FLII: variants seen among roughly 807,000 people sequenced by gnomAD.
FLII encodes the protein protein flightless-1 homolog.
In FLII, 101 loss-of-function variants were observed where a neutral mutation model predicts 156.2. The ratio of observed to expected loss-of-function variants is 0.65; its 90% CI spans 0.55 to 0.76. The LOEUF (loss-of-function observed/expected upper bound fraction) is 0.76. Among genes scored for constraint, FLII ranks in the 30% least tolerant of loss-of-function variants. The probability of loss-of-function intolerance (pLI) is 0.00; values close to 1 mark genes in which losing one functional copy is unlikely to be tolerated. For synonymous variants in FLII, 767 were observed against 685.8 expected (o/e 1.12, Z -1.85); for missense variants, 1,675 against 1,682.8 (o/e 1.00, Z 0.08).
At chr17:18,254,448 C>T (rs1051620325) in intron 6 of FLII, 73 bp downstream of exon 6, 10 of 1,460,834 alleles carry the variant, frequency 6.8e-6, no homozygotes, top group East Asian at 2.4e-5. Context: ...GGTTAGGGCC[C>T]TGGGAAGTGA....
Position 18,246,329 on chromosome 17 carries a change from T to G in FLII, c.3185A>C (p.Asn1062Thr). 6.2e-7 allele frequency: 1 copy of G among 1,613,840 alleles called. No homozygotes were observed. Among genetic ancestry groups the G allele is most frequent in the Non-Finnish European group, 8.5e-7 (1 of 1,179,998 alleles). The change falls in exon 24 of 30, where the codon AAC becomes ACC. Residue 1062 changes from asparagine (N) to threonine (T), a missense_variant. By Grantham distance (65) the Asn-to-Thr change is moderately conservative. Around this residue, in one of 2 missense-constraint regions of FLII, gnomAD observed 1,332 missense variants for 1,269.3 expected, o/e 1.05. Coordinates refer to ENST00000327031, the MANE Select transcript of FLII (RefSeq NM_002018.4). ...GCACCGGGTGCAGAGGGCGCTGCCGTTGGTGCGGATCTGGTAGAGGCTGGG... is the reference window on the plus strand; with the variant it reads ...GCACCGGGTGCAGAGGGCGCTGCCGGTGGTGCGGATCTGGTAGAGGCTGGG... ...QQPSLYQIRTNGSALCTRCIQ... is the reference protein window; with the variant it reads ...QQPSLYQIRTTGSALCTRCIQ...
Position 18,258,569 on chromosome 17 carries a change from C to A in FLII, c.63+59G>T. The A allele has an allele frequency of 6.6e-7, 1 of 1,523,740 alleles. No homozygotes were observed. The highest frequency in any genetic ancestry group is 1.2e-5 in the South Asian group (1 of 82,634). The allele number at this position is 1,523,740 out of a possible 1,614,324, so 94.4% of individuals were successfully genotyped here. A position where few individuals can be genotyped will look rare whatever the true frequency, so the allele number is the denominator to read the frequency against. ...AGCGGGACAGGAAGCGGAGGCCAAG[C>A]GGGCCGGGCGGAAGAGAAGGCCTGC... On this transcript the variant is annotated intron_variant, in intron 1 of 29. Coordinates refer to ENST00000327031, the MANE Select transcript of FLII (RefSeq NM_002018.4). The surrounding 1 kb of genome is among the most constrained non-coding windows in gnomAD (Gnocchi z 4.2).
intron 3 of FLII, 112 bp downstream of exon 3, chr17:18,256,414 C>T: frequency 1.2e-6 from 1 of 817,916 alleles, no homozygotes; most frequent in South Asian, 1.6e-5. Context: ...CTGAGCCTGA[C>T]ACGGAGGTGG....
rs941457556 is a variant in FLII, at chr17:18,248,713, G to A, written c.2027C>T (p.Ala676Val). The change falls in exon 18 of 30, where the codon GCA (alanine) becomes GTA (valine). Residue 676 changes from alanine (A) to valine (V), a missense_variant. Transcript: ENST00000327031. ...CCGCTCATTCTTGTTAATTTTCTCT[G>A]CAAAGAGCCTGAGAGCAGGATGCAA... ...LSSTTKARLF[A>V]EKINKNERKG... 6 of 1,613,532 alleles carry A rather than the reference G, an allele frequency of 3.7e-6. No individual in the cohort carries two copies. The African/African-American group carries it at 8.0e-5, about 22-fold the overall frequency.
chr17:18,253,793 C>T, intron 7 of FLII, 74 bp from the exon 8 acceptor site: 2 of 1,388,770 alleles, frequency 1.4e-6, no homozygotes, highest in Non-Finnish European at 1.9e-6. Context: ...TAGTGTGAAC[C>T]CCAGCTCTGC....
chr17:18,247,649 A>G lies in FLII; in HGVS notation c.2487+8T>C. 6.4e-7 allele frequency: 1 copy of G among 1,574,706 alleles called. No individual in the cohort carries two copies. ...CCTGGGGAGGGGCCTCCGAAGCTGC[A>G]AGCGCACCTGCGCCTCGGTGCCCTC... is the stretch of plus-strand genomic sequence containing the variant. On this transcript the variant is annotated splice_region_variant and intron_variant, in intron 20 of 29. Transcript: ENST00000327031.
In FLII at chr17:18,258,667, C is replaced by T. The variant is rs1184908573; in HGVS notation, c.24G>A (p.Pro8=). The T allele has an allele frequency of 3.2e-6, 5 of 1,542,516 alleles. No individual in the cohort carries two copies. In the African/African-American group the frequency reaches 5.7e-5, roughly 18 times the overall value. Residue 8 remains proline (P), a synonymous_variant, in exon 1 of 30, where the codon CCG becomes CCA. Transcript: ENST00000327031. This position sits in a 1 kb window ranked among gnomAD's most constrained non-coding sequence, Gnocchi z 4.2. ...CGCTGAGGTCCACGCCACGCACGAACGGCAGCACCCCGGTGGCCTCCATGG... is the reference window on the plus strand; with the variant it reads ...CGCTGAGGTCCACGCCACGCACGAATGGCAGCACCCCGGTGGCCTCCATGG... The part of the protein sequence containing the change: MEATGVL[P]FVRGVDLSGN...
chr17:18,246,507 T>A, intron 23 of FLII, 45 bp from the exon 24 acceptor site: 1 of 1,612,622 alleles, frequency 6.2e-7, no homozygotes, highest in Non-Finnish European at 8.5e-7. Context: ...GACCCCCACC[T>A]GCCCCTCGGG....
At chr17:18,250,775 C>A in intron 14 of FLII, 63 bp downstream of exon 14, 2 of 1,546,758 alleles carry the variant, frequency 1.3e-6, no homozygotes, top group African/African-American at 2.7e-5. Context: ...GGGCCCACTG[C>A]CCCTGCACCA....
chr17:18,251,921 T>C (rs1019643525), intron 11 of FLII, 78 bp downstream of exon 11: 6 of 1,603,182 alleles, frequency 3.7e-6, no homozygotes, highest in African/African-American at 1.3e-5. Flanking sequence ...GAAAGCTGTA[T>C]GCCACCCAAT....
intron 23 of FLII, 63 bp from the exon 24 acceptor site, chr17:18,246,525 C>A: frequency 6.2e-7 from 1 of 1,612,102 alleles, no homozygotes; most frequent in African/African-American, 1.3e-5. Flanking sequence ...GGGAGCCTAA[C>A]CTTCGCTGGG....
intron 1 of FLII, among the ~76,000 whole-genome samples, chr17:18,257,900 C>T (rs902864672): frequency 6.6e-6 from 1 of 152,230 alleles, no homozygotes. Flanking sequence ...TCTCTGCTTC[C>T]CCTTTGGTCA....
At position 18,247,737 on chromosome 17, in the gene FLII, G is replaced by C; in HGVS notation, c.2407C>G (p.Leu803Val). The C allele has an allele frequency of 6.2e-7, 1 of 1,605,382 alleles. No homozygotes were observed. Among genetic ancestry groups the C allele is most frequent in the Non-Finnish European group, 8.5e-7 (1 of 1,179,786 alleles). Residue 803 changes from leucine (L) to valine (V), a missense_variant, in exon 20 of 30, where the codon CTG (leucine) becomes GTG (valine). By Grantham distance (32) the Leu-to-Val change is conservative. Transcript: ENST00000327031. ...PRLVRAAALK[L>V]GQELCGMLHR... is the part of the protein sequence containing the mutation. ...AGCATCCCGCACAGCTCCTGACCCA[G>C]CTTGAGGGCGGCAGCGCGCACCAGG...
intron 18 of FLII, 78 bp downstream of exon 18, chr17:18,248,472 T>A (rs1316895043): frequency 7.1e-7 from 1 of 1,405,594 alleles, no homozygotes; most frequent in Non-Finnish European, 9.6e-7. Context: ...CAAAGCCAAC[T>A]ACATCGGTGT....
At position 18,257,305 on chromosome 17, in the gene FLII, C is replaced by T. The variant is rs139530563; in HGVS notation, c.64-286G>A. ...TTGTTTCAGGTGAAAGCCCAGCATC[C>T]GGCTCTGTGGTTAGCTCGGCTCAAA... On this transcript the variant is annotated intron_variant, in intron 1 of 29. Transcript: ENST00000327031. 1,219 of 421,780 alleles carry T rather than the reference C, an allele frequency of 2.9e-3. 6 individuals are homozygous for T. Among genetic ancestry groups the T allele is most frequent in the Non-Finnish European group, 2.6e-3 (597 of 233,934 alleles). 26.1% of individuals were successfully genotyped at this position (421,780 alleles called of 1,614,324 possible).
At position 18,254,170 on chromosome 17, in the gene FLII, C is replaced by T. The variant is rs773480080; in HGVS notation, c.588G>A (p.Ala196=). 1.3e-4 allele frequency: 212 copies of T among 1,606,812 alleles called. No individual in the cohort carries two copies. The highest frequency in any genetic ancestry group is 1.7e-4 in the Non-Finnish European group (205 of 1,176,336). ...LLHAQLRQLP[A]MTALQTLHLR... ...GGTGCAGGGTCTGCAGGGCCGTCAT[C>T]GCTGGGAGCTGCCTGCCAGGGTGAC... Residue 196 remains alanine (A), a synonymous_variant, in exon 7 of 30, where the codon GCG becomes GCA. Transcript: ENST00000327031.
intron 13 of FLII, 81 bp downstream of exon 13, chr17:18,251,184 A>G: frequency 2.6e-6 from 4 of 1,518,110 alleles, no homozygotes; most frequent in Non-Finnish European, 3.6e-6. Context: ...CTCCCTGAAC[A>G]AAACTCTGGA....
At position 18,253,427 on chromosome 17, in the gene FLII, T is replaced by C. The variant is rs2048326470; in HGVS notation, c.887A>G (p.Lys296Arg). ...SAICKLSKLK[K>R]LYLNSNKLDF... The stretch of plus-strand genomic sequence containing the variant: ...CAGCTTGTTGGAATTCAGGTACAGC[T>C]TCTTCAGCTTGCTCAGCTTGCAAAT... Residue 296 changes from lysine to arginine, a missense_variant, in exon 9 of 30, where the codon AAG (lysine) becomes AGG (arginine). This residue lies in a region of FLII where 343 missense variants were observed against 413.5 expected (regional missense o/e 0.83). Coordinates refer to ENST00000327031, the MANE Select transcript of FLII (RefSeq NM_002018.4). The C allele has an allele frequency of 6.2e-7, 1 of 1,613,902 alleles. No individual in the cohort carries two copies. The highest frequency in any genetic ancestry group is 8.5e-7 in the Non-Finnish European group (1 of 1,180,034).
rs1358476805 is a variant in FLII at position 18,245,152 on chromosome 17, T to C, written c.3796A>G (p.Lys1266Glu). The C allele has an allele frequency of 9.9e-6, 16 of 1,613,210 alleles. No homozygotes were observed. Among genetic ancestry groups the C allele is most frequent in the Non-Finnish European group, 1.4e-5 (16 of 1,179,600 alleles). Residue 1266 changes from lysine to glutamate, a missense_variant, in exon 30 of 30, where the codon AAG (lysine) becomes GAG (glutamate). By Grantham distance (56) the Lys-to-Glu change is moderately conservative (BLOSUM62 1). Around this residue, in one of 2 missense-constraint regions of FLII, gnomAD observed 1,332 missense variants for 1,269.3 expected, o/e 1.05. Coordinates refer to ENST00000327031, the MANE Select transcript of FLII (RefSeq NM_002018.4). ...GCCAGCCTGTCTTAGGCCAGGGCCTTGCAGAAGGCGCTCCAGGCGTGGAAG... is the reference window on the plus strand; with the variant it reads ...GCCAGCCTGTCTTAGGCCAGGGCCTCGCAGAAGGCGCTCCAGGCGTGGAAG... ...RCFHAWSAFC[K>E]ALA
Sources: gnomAD v4.1 joint callset for allele counts (sites outside exome capture counted in the v4.1 genomes callset) on GRCh38, gnomAD v4.1.1 for gene constraint, gnomAD v4.1.1 regional missense constraint, Gnocchi (gnomAD v3.1) non-coding constraint, MANE v1.5 for transcripts, NCBI Gene and HGNC (gene_info 2026-07-23, HGNC 2026-07-21) for gene names.